CDH13: variants seen among roughly 807,000 people sequenced by gnomAD.
The protein encoded by CDH13 is cadherin-13.
In CDH13, 24 loss-of-function variants were observed where a neutral mutation model predicts 63.8. The ratio of observed to expected loss-of-function variants is 0.38; its 90% CI spans 0.27 to 0.53. CDH13 has a LOEUF of 0.53. Ranked by LOEUF, CDH13 falls within the 20% of genes least tolerant of loss-of-function variation. CDH13 has a pLI of 0.85. For synonymous variants in CDH13, 503 were observed against 355.3 expected (o/e 1.42, Z -4.67); for missense variants, 1,049 against 903.1 (o/e 1.16, Z -2.07).
At chr16:82,891,295 A>G (rs1236407965) in intron 2 of CDH13, among the ~76,000 whole-genome samples, 1 of 152,122 alleles carries the variant, frequency 6.6e-6, no homozygotes, top group Non-Finnish European at 1.5e-5. Flanking sequence ...CTAAGAAAGA[A>G]GCAGATTTCG....
chr16:82,679,999 A>T (rs1459100113), intron 1 of CDH13, among the ~76,000 whole-genome samples: 1 of 152,166 alleles, frequency 6.6e-6, no homozygotes, highest in East Asian at 1.9e-4. Context: ...CACCACCATA[A>T]CACACGGGTC....
chr16:82,821,960 C>G (rs2038024013), intron 1 of CDH13, among the ~76,000 whole-genome samples: 1 of 152,162 alleles, frequency 6.6e-6, no homozygotes, highest in Non-Finnish European at 1.5e-5. Context: ...AACCAGGTTC[C>G]TCACTGACTT....
intron 8 of CDH13, among the ~76,000 whole-genome samples, chr16:83,643,685 C>G (rs1911521335): frequency 6.6e-6 from 1 of 152,064 alleles, no homozygotes; most frequent in South Asian, 2.1e-4. Context: ...TTTAGTAATC[C>G]AAGTCAGTTT....
rs966619713 is a variant in CDH13 at position 83,075,623 on chromosome 16, A to G, written c.366+43405A>G. ...AACTTTGATGTTCTGTGTGAGGTGG[A>G]CGTTAGCACTGTATCTGTACTGAGT... On this transcript the variant is annotated intron_variant, in intron 3 of 13. Transcript: ENST00000567109. 2.0e-5 allele frequency among the ~76,000 whole-genome samples: 3 copies of G among 152,186 alleles called. No homozygotes were observed. The East Asian group carries it at 5.8e-4, about 29-fold the overall frequency.
intron 4 of CDH13, among the ~76,000 whole-genome samples, chr16:83,205,514 G>A (rs2039156996): frequency 6.6e-6 from 1 of 151,844 alleles, no homozygotes; most frequent in South Asian, 2.1e-4. Context: ...TACTCTGGAA[G>A]TCAGAAATGA....
Position 83,338,308 on chromosome 16 carries a change from A to G in CDH13, c.637-6554A>G, listed in dbSNP as rs1326226091. ...GCCTAGAGTCCATGGAGTCAGACCA[A>G]CTGTCAGCTGTAATATGCCGGAGAT... On this transcript the variant is annotated intron_variant, in intron 5 of 13. Coordinates refer to ENST00000567109, the MANE Select transcript of CDH13 (RefSeq NM_001257.5). Among the ~76,000 whole-genome samples the G allele has an allele frequency of 3.3e-5, 5 of 152,280 alleles. No homozygotes were observed. The South Asian group carries it at 8.3e-4, about 25-fold the overall frequency.
At chr16:82,946,832 C>T (rs750703632) in intron 2 of CDH13, among the ~76,000 whole-genome samples, 5 of 152,090 alleles carry the variant, frequency 3.3e-5, no homozygotes, top group African/African-American at 7.2e-5. Flanking sequence ...ATTCACTGAA[C>T]GTCAAAATGA....
At chr16:82,697,063 C>A (rs1247373820) in intron 1 of CDH13, among the ~76,000 whole-genome samples, 4 of 152,140 alleles carry the variant, frequency 2.6e-5, no homozygotes, top group African/African-American at 9.7e-5. Flanking sequence ...CCAGTTATGT[C>A]CCAATTTTGG....
At chr16:83,708,555 C>G (rs1045592822) in intron 10 of CDH13, among the ~76,000 whole-genome samples, 2 of 152,182 alleles carry the variant, frequency 1.3e-5, no homozygotes, top group African/African-American at 4.8e-5. Flanking sequence ...GCCTCTCTTC[C>G]TGCTAACCAT....
intron 7 of CDH13, among the ~76,000 whole-genome samples, chr16:83,589,962 G>C (rs1342500111): frequency 1.3e-5 from 2 of 152,136 alleles, no homozygotes; most frequent in East Asian, 3.9e-4. Context: ...GAAATGTGCA[G>C]GGAGGGCAGA....
intron 1 of CDH13, among the ~76,000 whole-genome samples, chr16:82,675,148 C>T (rs987268759): frequency 6.6e-6 from 1 of 151,906 alleles, no homozygotes; most frequent in Non-Finnish European, 1.5e-5. Context: ...GATAAGGGTG[C>T]CGTATTGAAA....
Position 82,747,784 on chromosome 16 carries a change from C to G in CDH13, c.46-110578C>G, listed in dbSNP as rs77816025. Among the ~76,000 whole-genome samples, 5 of 152,270 alleles carry G rather than the reference C, an allele frequency of 3.3e-5. No individual in the cohort carries two copies. The East Asian group carries it at 5.8e-4, about 18-fold the overall frequency. On this transcript the variant is annotated intron_variant, in intron 1 of 13. Transcript: ENST00000567109. ...GCGAATGTTGTGAAGTATGTCAACT[C>G]TTGGGATTTAGGAATAGCAGAGTAT...
In CDH13 at chr16:83,032,209, C is replaced by G. The variant is rs1916429218; in HGVS notation, c.357C>G (p.Gly119=). 2 of 1,612,928 alleles carry G rather than the reference C, an allele frequency of 1.2e-6. No individual in the cohort carries two copies. The highest frequency in any genetic ancestry group is 2.2e-5 in the East Asian group (1 of 44,800). Reference sequence around the variant, plus strand: ...TTGTCGGGGGGAAAGACATCCAGGGCTCCTTGCAGGTAACACATCTGTTTG... The same window carrying G: ...TTGTCGGGGGGAAAGACATCCAGGGGTCCTTGCAGGTAACACATCTGTTTG... ...LVIVGGKDIQ[G]SLQDIFKFAR... is the part of the protein sequence containing the mutation. The change falls in exon 3 of 14, where the codon GGC becomes GGG. Residue 119 remains glycine, a synonymous_variant. Transcript: ENST00000567109.
intron 6 of CDH13, among the ~76,000 whole-genome samples, chr16:83,373,252 T>C (rs1488449897): frequency 6.6e-6 from 1 of 152,130 alleles, no homozygotes; most frequent in Non-Finnish European, 1.5e-5. Context: ...AGGGCCTAGT[T>C]ACAAAGGGGA....
At chr16:83,609,186 G>A (rs1290320604) in intron 8 of CDH13, among the ~76,000 whole-genome samples, 1 of 152,138 alleles carries the variant, frequency 6.6e-6, no homozygotes, top group East Asian at 1.9e-4. Flanking sequence ...AGCTGAGGAT[G>A]GCTTTGAATG....
intron 8 of CDH13, among the ~76,000 whole-genome samples, chr16:83,619,260 G>A (rs916341417): frequency 7.2e-5 from 11 of 152,310 alleles, no homozygotes; most frequent in South Asian, 4.1e-4. Flanking sequence ...CTGACCTCAC[G>A]AAGCATGGCT....
chr16:82,926,522 C>G (rs1056235084), intron 2 of CDH13, among the ~76,000 whole-genome samples: 3 of 152,206 alleles, frequency 2.0e-5, no homozygotes, highest in African/African-American at 4.8e-5. Flanking sequence ...TTTCTTCCCT[C>G]TGCTCTGAAG....
intron 8 of CDH13, among the ~76,000 whole-genome samples, chr16:83,667,220 C>A (rs1442364870): frequency 1.3e-5 from 2 of 152,148 alleles, no homozygotes; most frequent in Non-Finnish European, 2.9e-5. Flanking sequence ...GAATTCCTAG[C>A]ACATCAGCCC....
At chr16:82,700,739 A>T (rs1382502005) in intron 1 of CDH13, among the ~76,000 whole-genome samples, 1 of 152,124 alleles carries the variant, frequency 6.6e-6, no homozygotes, top group East Asian at 1.9e-4. Flanking sequence ...CTTTGCCCTC[A>T]CAAAGGATTT....
Sources: allele counts gnomAD v4.1 joint callset (sites outside exome capture counted in the v4.1 genomes callset), GRCh38; gene constraint gnomAD v4.1.1; transcripts MANE v1.5; gene names NCBI Gene and HGNC (gene_info 2026-07-23, HGNC 2026-07-21).